The following VPS13D variants were observed in gnomAD, a reference collection of about 807,000 sequenced individuals.
VPS13D encodes the protein intermembrane lipid transfer protein VPS13D.
A neutral mutation model predicts 461.9 loss-of-function variants in VPS13D; 187 were observed. The ratio of observed to expected loss-of-function variants is 0.40; its 90% CI spans 0.36 to 0.46. The LOEUF (loss-of-function observed/expected upper bound fraction) is 0.46, where lower values mean the gene tolerates loss of function less well. Among genes scored for constraint, VPS13D ranks in the 20% least tolerant of loss-of-function variants. The pLI is 0.60. For synonymous variants in VPS13D, 1,951 were observed against 1,986.3 expected (o/e 0.98, Z 0.47); for missense variants, 4,711 against 5,364.9 (o/e 0.88, Z 3.81).
At chr1:12,393,372 T>C (rs1297554610) in intron 60 of VPS13D, among the ~76,000 whole-genome samples, 1 of 152,246 alleles carries the variant, frequency 6.6e-6, no homozygotes, top group Admixed American at 6.5e-5. Flanking sequence ...CTTTGCCAGC[T>C]GAAGGCAAAT....
At chr1:12,340,711 C>T (rs982611478) in intron 40 of VPS13D, among the ~76,000 whole-genome samples, 1 of 152,214 alleles carries the variant, frequency 6.6e-6, no homozygotes, top group African/African-American at 2.4e-5. Context: ...GGGTCATGGT[C>T]TTTCTCACGC....
chr1:12,267,291 G>A (rs1045083380), intron 14 of VPS13D, among the ~76,000 whole-genome samples: 2 of 152,148 alleles, frequency 1.3e-5, no homozygotes, highest in South Asian at 4.1e-4. Context: ...TCAATGTTTG[G>A]GTTTCCTCTG....
chr1:12,235,661 G>A (rs902860319), intron 2 of VPS13D, among the ~76,000 whole-genome samples: 1 of 152,186 alleles, frequency 6.6e-6, no homozygotes, highest in Non-Finnish European at 1.5e-5. Flanking sequence ...GGGCAGAGCC[G>A]TCATGGTCAC....
At position 12,344,492 on chromosome 1, in the gene VPS13D, C is replaced by G. The variant is rs993364683; in HGVS notation, c.8886-882C>G. ...CCAGGTAAGAGCAGTGAGCATTTTC[C>G]TGTTGGTCCCCACAGTTCTTGGAGA... is the stretch of plus-strand genomic sequence containing the variant. On this transcript the variant is annotated intron_variant, in intron 42 of 69. Coordinates refer to ENST00000620676, the MANE Select transcript of VPS13D (RefSeq NM_015378.4). 9.9e-5 allele frequency among the ~76,000 whole-genome samples: 15 copies of G among 152,174 alleles called. 2 individuals carry two copies.
At position 12,505,359 on chromosome 1, in the gene VPS13D, G is replaced by A. The variant is rs1177506497; in HGVS notation, c.12795-1494G>A. Among the ~76,000 whole-genome samples the A allele has an allele frequency of 3.3e-5, 5 of 152,368 alleles. No individual in the cohort carries two copies. The highest frequency in any genetic ancestry group is 2.1e-4 in the South Asian group (1 of 4,826). On this transcript the variant is annotated intron_variant, in intron 68 of 69. Coordinates refer to ENST00000620676, the MANE Select transcript of VPS13D (RefSeq NM_015378.4). The surrounding 1 kb of genome is among the most constrained non-coding windows in gnomAD (Gnocchi z 4.2). Reference sequence around the variant, plus strand: ...CGGTTAGAGCGCAAGATGTGAGAACGTCTGTGCTGAGTGGCCTAAACACTG... The same window carrying A: ...CGGTTAGAGCGCAAGATGTGAGAACATCTGTGCTGAGTGGCCTAAACACTG...
chr1:12,493,851 C>T (rs1570280495), intron 67 of VPS13D, among the ~76,000 whole-genome samples: 2 of 152,224 alleles, frequency 1.3e-5, no homozygotes, highest in East Asian at 3.8e-4. Context: ...CCCCTACCCA[C>T]AGCCTACCAA....
intron 61 of VPS13D, 37 bp from the exon 62 acceptor site, chr1:12,401,571 G>T (rs759165392): frequency 1.3e-6 from 2 of 1,509,720 alleles, no homozygotes; most frequent in Middle Eastern, 1.7e-4. Context: ...GTTCCTTCTG[G>T]TGTTCACACT....
At chr1:12,496,376 A>G (rs906386815) in intron 67 of VPS13D, among the ~76,000 whole-genome samples, 4 of 152,174 alleles carry the variant, frequency 2.6e-5, no homozygotes, top group African/African-American at 4.8e-5. Flanking sequence ...TGCATGGCCC[A>G]TTGCATGGCC....
At chr1:12,293,066 T>G (rs1034280165) in intron 23 of VPS13D, among the ~76,000 whole-genome samples, 2 of 152,240 alleles carry the variant, frequency 1.3e-5, no homozygotes, top group Non-Finnish European at 2.9e-5. Context: ...CAGAACTCTT[T>G]GACTTACATT....
intron 68 of VPS13D, among the ~76,000 whole-genome samples, chr1:12,501,639 A>G (rs1646036762): frequency 6.6e-6 from 1 of 152,370 alleles, no homozygotes; most frequent in East Asian, 1.9e-4. Flanking sequence ...GCATACATTT[A>G]TTGAATCCTA....
rs1355764950 is a variant in VPS13D at position 12,495,865 on chromosome 1, G to A, written c.12663-1635G>A. On this transcript the variant is annotated intron_variant, in intron 67 of 69. Coordinates refer to ENST00000620676, the MANE Select transcript of VPS13D (RefSeq NM_015378.4). This position sits in a 1 kb window ranked among gnomAD's most constrained non-coding sequence, Gnocchi z 4.0. Reference sequence around the variant, plus strand: ...CAGCAAGTGCTTTGCTAGGCAAGGAGATAAGAACAGAGCTCTGCTACGTGG... The same window carrying A: ...CAGCAAGTGCTTTGCTAGGCAAGGAAATAAGAACAGAGCTCTGCTACGTGG... Among the ~76,000 whole-genome samples, 1 of 152,224 alleles carries A rather than the reference G, an allele frequency of 6.6e-6. No individual in the cohort carries two copies. The highest frequency in any genetic ancestry group is 2.4e-5 in the African/African-American group (1 of 41,450).
chr1:12,503,878 A>C (rs1473453857), intron 68 of VPS13D, among the ~76,000 whole-genome samples: 4 of 152,230 alleles, frequency 2.6e-5, no homozygotes, highest in African/African-American at 9.7e-5. Context: ...TGAGCACTCA[A>C]GGAACCTCAA....
At chr1:12,465,860 G>GGT (rs1478089553) in intron 67 of VPS13D, among the ~76,000 whole-genome samples, 3 of 152,202 alleles carry the variant, frequency 2.0e-5, no homozygotes, top group African/African-American at 7.2e-5. Flanking sequence ...AAAGAGGCCG[G>GGT]GTGTGGTGGC....
intron 29 of VPS13D, among the ~76,000 whole-genome samples, chr1:12,312,968 G>A (rs539117504): frequency 2.0e-4 from 30 of 152,252 alleles, no homozygotes; most frequent in Admixed American, 8.5e-4. Context: ...GTATGAATTC[G>A]TGATTACTGG....
intron 5 of VPS13D, among the ~76,000 whole-genome samples, chr1:12,248,609 T>G (rs1640635046): frequency 1.3e-5 from 2 of 152,196 alleles, no homozygotes; most frequent in African/African-American, 4.8e-5. Context: ...CTTCCCAGAG[T>G]GCTGGGATTA....
chr1:12,294,938 T>C (rs1463595663), intron 24 of VPS13D, among the ~76,000 whole-genome samples: 3 of 150,818 alleles, frequency 2.0e-5, no homozygotes, highest in African/African-American at 7.3e-5. Flanking sequence ...AAAAAAACTT[T>C]ATGGCCAGGC....
intron 15 of VPS13D, 126 bp downstream of exon 15, chr1:12,268,046 C>CAA: frequency 1.5e-6 from 1 of 689,370 alleles, no homozygotes; most frequent in Non-Finnish European, 2.3e-6. Context: ...ACTGCAACCT[C>CAA]TGCCTCCCGG....
intron 52 of VPS13D, among the ~76,000 whole-genome samples, chr1:12,365,118 A>G (rs1010598294): frequency 6.6e-6 from 1 of 152,188 alleles, no homozygotes; most frequent in Non-Finnish European, 1.5e-5. Context: ...TCATTGGTCT[A>G]TATGTCTTTA....
chr1:12,448,545 A>G (rs999330419), intron 65 of VPS13D, among the ~76,000 whole-genome samples: 9 of 152,162 alleles, frequency 5.9e-5, no homozygotes, highest in African/African-American at 1.2e-4. Flanking sequence ...AAAGTCCTAC[A>G]CTGGGTCCTA....
Sources: allele counts gnomAD v4.1 joint callset (sites outside exome capture counted in the v4.1 genomes callset), GRCh38; gene constraint gnomAD v4.1.1; non-coding constraint Gnocchi (gnomAD v3.1); transcripts MANE v1.5; gene names NCBI Gene and HGNC (gene_info 2026-07-23, HGNC 2026-07-21).